Variants in MBOAT1 observed in about 807,000 individuals in gnomAD.
MBOAT1 encodes the protein membrane-bound glycerophospholipid O-acyltransferase 1.
Under a neutral mutation model 64.4 loss-of-function variants are expected in MBOAT1, and 67 were observed. That is an observed-to-expected ratio of 1.04 (90% CI 0.85 to 1.27). MBOAT1 has a LOEUF of 1.27. Among genes scored for constraint, MBOAT1 ranks in the 50% most tolerant of loss-of-function variants. MBOAT1 has a pLI of 0.00. For missense variants in MBOAT1, 563 were observed against 604.6 expected, an observed-to-expected ratio of 0.93 and a Z score of 0.72; for synonymous variants, 229 against 218.9, an observed-to-expected ratio of 1.05 and a Z score of -0.41.
chr6:20,122,839 A>AT (rs890179322), intron 8 of MBOAT1, among the ~76,000 whole-genome samples: 14 of 149,840 alleles, frequency 9.3e-5, no homozygotes, highest in South Asian at 2.1e-4. Flanking sequence ...AAAAAAAATT[A>AT]TTTTTTTTTT....
At chr6:20,117,207 C>T (rs1760352696) in intron 9 of MBOAT1, among the ~76,000 whole-genome samples, 1 of 152,160 alleles carries the variant, frequency 6.6e-6, no homozygotes, top group Non-Finnish European at 1.5e-5. Context: ...ACAGCATCTG[C>T]CAAGGCTTTC....
chr6:20,113,462 A>G (rs542026143), intron 10 of MBOAT1, among the ~76,000 whole-genome samples: 32 of 152,314 alleles, frequency 2.1e-4, no homozygotes, highest in Non-Finnish European at 3.7e-4. Context: ...AAATTAATTT[A>G]CCTTTCCCAC....
chr6:20,164,223 T>C lies in MBOAT1; in HGVS notation c.100-11454A>G, dbSNP rs74984956. Among the ~76,000 whole-genome samples, 117 of 151,958 alleles carry C rather than the reference T, an allele frequency of 7.7e-4. No homozygotes were observed. The East Asian group carries it at 0.019, about 25-fold the overall frequency. ...CACACACAAACACACCCCATATATATGTAACCTGAAATTTTTCCTGTGGCT... is the reference window on the plus strand; with the variant it reads ...CACACACAAACACACCCCATATATACGTAACCTGAAATTTTTCCTGTGGCT... On this transcript the variant is annotated intron_variant, in intron 1 of 12. Transcript: ENST00000324607.
chr6:20,196,518 A>G (rs1762958757), intron 1 of MBOAT1, among the ~76,000 whole-genome samples: 1 of 152,144 alleles, frequency 6.6e-6, no homozygotes, highest in Non-Finnish European at 1.5e-5. Flanking sequence ...TGGGATGAAA[A>G]TGTTCTAAAA....
chr6:20,134,732 T>C (rs770829224), intron 4 of MBOAT1, among the ~76,000 whole-genome samples: 21 of 152,180 alleles, frequency 1.4e-4, no homozygotes, highest in Non-Finnish European at 2.4e-4. Flanking sequence ...TTTAAACTTA[T>C]GGACAGATCT....
At position 20,159,233 on chromosome 6, in the gene MBOAT1, C is replaced by A. The variant is rs1026285362; in HGVS notation, c.100-6464G>T. Reference sequence around the variant, plus strand: ...ACAGCAGAAGGTGAGTGGCAGGTGACCGAGAGAAGCTTCATCTGTATTTAT... The same window carrying A: ...ACAGCAGAAGGTGAGTGGCAGGTGAACGAGAGAAGCTTCATCTGTATTTAT... On this transcript the variant is annotated intron_variant, in intron 1 of 12. Transcript: ENST00000324607. Among the ~76,000 whole-genome samples the A allele has an allele frequency of 2.6e-5, 4 of 152,124 alleles. No individual in the cohort carries two copies. The East Asian group carries it at 7.7e-4, about 29-fold the overall frequency.
intron 11 of MBOAT1, among the ~76,000 whole-genome samples, 162 bp from the exon 12 acceptor site, chr6:20,109,911 T>TC (rs1218094041): frequency 7.1e-6 from 1 of 140,598 alleles, no homozygotes; most frequent in Admixed American, 7.1e-5. Flanking sequence ...ACTTTTTTTT[T>TC]TTTTTTTTTT....
At chr6:20,138,525 G>C (rs1293696476) in intron 4 of MBOAT1, among the ~76,000 whole-genome samples, 2 of 152,180 alleles carry the variant, frequency 1.3e-5, no homozygotes, top group African/African-American at 4.8e-5. Context: ...TCAGAAGCAC[G>C]TGACTGTTTT....
intron 1 of MBOAT1, among the ~76,000 whole-genome samples, chr6:20,189,116 C>G (rs1257397446): frequency 6.6e-6 from 1 of 152,172 alleles, no homozygotes; most frequent in Non-Finnish European, 1.5e-5. Context: ...AGAATCAGTG[C>G]TGTAAACCAT....
At chr6:20,102,505 A>T in intron 12 of MBOAT1, 93 bp from the exon 13 acceptor site, 1 of 1,103,670 alleles carries the variant, frequency 9.1e-7, no homozygotes, top group South Asian at 1.6e-5. Flanking sequence ...GACAAGTGAG[A>T]GCACCGCTTT....
chr6:20,144,885 A>T (rs1000396037), intron 3 of MBOAT1, among the ~76,000 whole-genome samples: 5 of 152,092 alleles, frequency 3.3e-5, no homozygotes, highest in Non-Finnish European at 5.9e-5. Flanking sequence ...GTCCAAGCTC[A>T]GCTTGGGACC....
intron 1 of MBOAT1, among the ~76,000 whole-genome samples, chr6:20,198,268 A>G (rs183593364): frequency 2.6e-5 from 4 of 152,100 alleles, no homozygotes; most frequent in African/African-American, 9.6e-5. Flanking sequence ...GAAAAGAAAA[A>G]ATCACCTAAG....
intron 1 of MBOAT1, among the ~76,000 whole-genome samples, chr6:20,154,747 T>C (rs1052833016): frequency 1.3e-5 from 2 of 152,064 alleles, no homozygotes; most frequent in Non-Finnish European, 2.9e-5. Flanking sequence ...AAACACAAAA[T>C]GTATATAGAA....
chr6:20,110,156 A>G (rs1284228895), intron 11 of MBOAT1, among the ~76,000 whole-genome samples: 6 of 149,366 alleles, frequency 4.0e-5, no homozygotes, highest in South Asian at 2.1e-4. Flanking sequence ...TGATCTGCCC[A>G]CCTTGGCCGC....
rs761988916 is a variant in MBOAT1 at position 20,109,785 on chromosome 6, G to A, written c.1210-36C>T. 33 of 1,592,242 alleles carry A rather than the reference G, an allele frequency of 2.1e-5. 1 individual carries two copies. Among genetic ancestry groups the A allele is most frequent in the South Asian group, 2.0e-4 (18 of 89,382 alleles). Reference sequence around the variant, plus strand: ...ACACAGGCAACAGTAGTGAGGAGGGGGTGAAAAACAAATAACAACTTTTAC... The same window carrying A: ...ACACAGGCAACAGTAGTGAGGAGGGAGTGAAAAACAAATAACAACTTTTAC... On this transcript the variant is annotated intron_variant, in intron 11 of 12. Coordinates refer to ENST00000324607, the MANE Select transcript of MBOAT1 (RefSeq NM_001080480.3).
At chr6:20,162,951 G>C (rs1045422510) in intron 1 of MBOAT1, among the ~76,000 whole-genome samples, 1 of 152,154 alleles carries the variant, frequency 6.6e-6, no homozygotes, top group African/African-American at 2.4e-5. Context: ...TTAATGCTCA[G>C]AGAAAGAGTC....
intron 8 of MBOAT1, among the ~76,000 whole-genome samples, chr6:20,120,102 T>G (rs1355657826): frequency 6.6e-6 from 1 of 151,960 alleles, no homozygotes; most frequent in African/African-American, 2.4e-5. Flanking sequence ...CTAACAGTGT[T>G]GAGACAGAAG....
chr6:20,131,160 T>A lies in MBOAT1; in HGVS notation c.459A>T (p.Ala153=), dbSNP rs988527111. 3 of 1,613,820 alleles carry A rather than the reference T, an allele frequency of 1.9e-6. No individual in the cohort carries two copies. In the Admixed American group the frequency reaches 5.0e-5, roughly 27 times the overall value. Residue 153 remains alanine (A), a synonymous_variant, in exon 5 of 13, where the codon GCA becomes GCT. Transcript: ENST00000324607. ...TGTTCTTACCATCATGAACCTGGAA[T>A]GCCAAGGTTGTGATCTTCTGAGTGA... ...MIVTQKITTL[A]FQVHDGLGRR...
At chr6:20,145,644 C>T (rs998110832) in intron 3 of MBOAT1, among the ~76,000 whole-genome samples, 4 of 152,232 alleles carry the variant, frequency 2.6e-5, no homozygotes, top group Non-Finnish European at 4.4e-5. Context: ...CTCTACCTCG[C>T]CTTCCTGGAC....
Sources: gnomAD v4.1 joint callset for allele counts (sites outside exome capture counted in the v4.1 genomes callset) on GRCh38, gnomAD v4.1.1 for gene constraint, MANE v1.5 for transcripts, NCBI Gene and HGNC (gene_info 2026-07-23, HGNC 2026-07-21) for gene names.